The following NDUFAF6 variants were observed in gnomAD, a reference collection of about 807,000 sequenced individuals.
The protein encoded by NDUFAF6 is NADH:ubiquinone oxidoreductase complex assembly factor 6.
Under a neutral mutation model 40.8 loss-of-function variants are expected in NDUFAF6, and 45 were observed. The observed-to-expected ratio is 1.10, with a 90% CI of 0.87 to 1.42. NDUFAF6 has a LOEUF of 1.42. Among genes scored for constraint, NDUFAF6 ranks in the 40% most tolerant of loss-of-function variants. NDUFAF6 has a pLI of 0.00. For synonymous variants in NDUFAF6, 185 were observed against 155.9 expected, an observed-to-expected ratio of 1.19 and a Z score of -1.39; for missense variants, 435 against 418.5, an observed-to-expected ratio of 1.04 and a Z score of -0.34.
intron 9 of NDUFAF6, among the ~76,000 whole-genome samples, chr8:95,074,164 T>G (rs1832960794): frequency 6.6e-6 from 1 of 152,266 alleles, no homozygotes; most frequent in Admixed American, 6.5e-5. Context: ...CGTTCTAGAA[T>G]TATTTCTACT....
intron 4 of NDUFAF6, 123 bp downstream of exon 4, chr8:95,041,749 T>A: frequency 1.2e-6 from 1 of 817,024 alleles, no homozygotes; most frequent in Non-Finnish European, 2.1e-6. Context: ...TTTAGAGAAT[T>A]ATGCCATTTT....
At chr8:95,010,634 A>G (rs1273234292) in intron 2 of NDUFAF6, among the ~76,000 whole-genome samples, 1 of 152,242 alleles carries the variant, frequency 6.6e-6, no homozygotes, top group Non-Finnish European at 1.5e-5. Flanking sequence ...GTCATCAACT[A>G]AGTCAAGTAG....
At chr8:95,085,318 C>T (rs1246118672) in intron 2 of NDUFAF6, among the ~76,000 whole-genome samples, 1 of 152,124 alleles carries the variant, frequency 6.6e-6, no homozygotes, top group African/African-American at 2.4e-5. Flanking sequence ...TGTGGGCTGT[C>T]TTCTCCTCCT....
chr8:95,073,893 G>A (rs1018190121), intron 9 of NDUFAF6, among the ~76,000 whole-genome samples: 1 of 152,066 alleles, frequency 6.6e-6, no homozygotes. Context: ...TGCTTTTAAT[G>A]GAAACTTAAA....
chr8:95,036,689 T>G (rs10096991), intron 3 of NDUFAF6, among the ~76,000 whole-genome samples: 1,960 of 152,352 alleles, frequency 0.013, 31 homozygotes, highest in African/African-American at 0.044. Context: ...GGGAAATATG[T>G]GGAAGATTAG....
chr8:95,107,600 C>T (rs1809877488), downstream of NDUFAF6, among the ~76,000 whole-genome samples: 1 of 151,914 alleles, frequency 6.6e-6, no homozygotes, highest in Non-Finnish European at 1.5e-5. Context: ...GCACGTTCTG[C>T]ACTTGTATCC....
intron 4 of NDUFAF6, among the ~76,000 whole-genome samples, chr8:95,043,387 G>A (rs1830364125): frequency 1.3e-5 from 2 of 151,878 alleles, no homozygotes; most frequent in African/African-American, 4.8e-5. Context: ...CCGCGCCCTA[G>A]GCAGTGGTTT....
intron 7 of NDUFAF6, among the ~76,000 whole-genome samples, 153 bp downstream of exon 7, chr8:95,048,711 C>G (rs1587139819): frequency 6.6e-6 from 1 of 152,088 alleles, no homozygotes; most frequent in Admixed American, 6.5e-5. Context: ...CTGTTGTAAA[C>G]TTTTTTCACT....
intron 7 of NDUFAF6, among the ~76,000 whole-genome samples, chr8:95,051,917 A>G (rs1192473592): frequency 6.6e-6 from 1 of 152,148 alleles, no homozygotes; most frequent in Non-Finnish European, 1.5e-5. Flanking sequence ...GGGGAGTCAA[A>G]ATTATTATGA....
intron 2 of NDUFAF6, chr8:94,949,326 T>C (rs916235031): frequency 4.0e-5 from 6 of 149,910 alleles, no homozygotes; most frequent in Non-Finnish European, 8.9e-5. Flanking sequence ...CTCGGGTCGC[T>C]GCGCCCAGGC....
chr8:95,007,670 T>TG (rs902757961), intron 2 of NDUFAF6, among the ~76,000 whole-genome samples: 4 of 150,300 alleles, frequency 2.7e-5, no homozygotes, highest in South Asian at 2.1e-4. Context: ...TTTTTTTTTT[T>TG]TTTTTTTTTT....
upstream of NDUFAF6, among the ~76,000 whole-genome samples, chr8:95,023,856 T>G (rs1827804589): frequency 6.6e-6 from 1 of 152,142 alleles, no homozygotes; most frequent in Non-Finnish European, 1.5e-5. Context: ...CTGGACGTGG[T>G]GGCGTGCACC....
chr8:94,985,226 CA>C (rs1370847169), intron 2 of NDUFAF6, among the ~76,000 whole-genome samples: 1 of 151,740 alleles, frequency 6.6e-6, no homozygotes, highest in African/African-American at 2.4e-5. Flanking sequence ...GGAGCTATGG[CA>C]GCCATCCTGT....
At chr8:94,990,476 C>T (rs1826143412) in intron 2 of NDUFAF6, among the ~76,000 whole-genome samples, 1 of 152,176 alleles carries the variant, frequency 6.6e-6, no homozygotes, top group African/African-American at 2.4e-5. Context: ...ACTCCACTTC[C>T]TCTGATGGGT....
chr8:95,035,505 T>C lies in NDUFAF6; in HGVS notation c.349T>C (p.Trp117Arg). Residue 117 changes from tryptophan to arginine, a missense_variant, in exon 3 of 9, where the codon TGG (tryptophan) becomes CGG (arginine). Trp to Arg is a moderately radical substitution (Grantham distance 101). Coordinates refer to ENST00000396124, the MANE Select transcript of NDUFAF6 (RefSeq NM_152416.4). ...AATTGGACTGATGCGAATGCAGTTT[T>C]GGAAAAAAACTGTGGAAGATATATA... ...KTIGLMRMQFWKKTVEDIYCD... is the reference protein window; with the variant it reads ...KTIGLMRMQFRKKTVEDIYCD... 6.2e-7 allele frequency: 1 copy of C among 1,613,708 alleles called. No individual in the cohort carries two copies. The highest frequency in any genetic ancestry group is 1.7e-4 in the Middle Eastern group (1 of 6,058).
rs113946587 is a variant in NDUFAF6, at chr8:95,032,841, A to G, written c.297+747A>G. Among the ~76,000 whole-genome samples the G allele has an allele frequency of 6.5e-3, 996 of 152,318 alleles. 16 individuals are homozygous for G. The highest frequency in any genetic ancestry group is 0.034 in the Middle Eastern group (10 of 294). On this transcript the variant is annotated intron_variant, in intron 2 of 8. Transcript: ENST00000396124. Reference sequence around the variant, plus strand: ...GATATGAATATGGCACCGAGGCACAACTGAGATTCACAACTGTGAGTCTGT... The same window carrying G: ...GATATGAATATGGCACCGAGGCACAGCTGAGATTCACAACTGTGAGTCTGT...
At chr8:94,989,801 A>G (rs1471653834) in intron 2 of NDUFAF6, among the ~76,000 whole-genome samples, 1 of 152,178 alleles carries the variant, frequency 6.6e-6, no homozygotes, top group Non-Finnish European at 1.5e-5. Flanking sequence ...CAGTGGCGTT[A>G]TCATGGCCTC....
At chr8:95,074,958 T>C (rs1224159208) in intron 9 of NDUFAF6, among the ~76,000 whole-genome samples, 4 of 152,204 alleles carry the variant, frequency 2.6e-5, no homozygotes, top group East Asian at 1.9e-4. Flanking sequence ...GCAGGAATGA[T>C]TATCAGGCAG....
chr8:95,097,134 A>G (rs968520575), upstream of NDUFAF6, among the ~76,000 whole-genome samples: 6 of 152,214 alleles, frequency 3.9e-5, no homozygotes, highest in African/African-American at 1.4e-4. Context: ...TTATGAACTT[A>G]GAGAGAACGT....
Sources: allele counts gnomAD v4.1 joint callset (sites outside exome capture counted in the v4.1 genomes callset), GRCh38; gene constraint gnomAD v4.1.1; transcripts MANE v1.5; gene names NCBI Gene and HGNC (gene_info 2026-07-23, HGNC 2026-07-21).